Variants in PDGFC observed in about 807,000 individuals in gnomAD.
The protein encoded by PDGFC is platelet-derived growth factor C.
PDGFC carries 12 observed loss-of-function variants against 35.5 expected under a neutral mutation model. That is an observed-to-expected ratio of 0.34 (90% CI 0.22 to 0.55). The LOEUF (loss-of-function observed/expected upper bound fraction) is 0.55. Ranked by LOEUF, PDGFC falls within the 20% of genes least tolerant of loss-of-function variation. The pLI is 0.91. For missense variants in PDGFC, 322 were observed against 412.4 expected, an observed-to-expected ratio of 0.78 and a Z score of 1.90; for synonymous variants, 159 against 148.8, an observed-to-expected ratio of 1.07 and a Z score of -0.50.
At chr4:156,831,050 C>A (rs1288092940) in intron 2 of PDGFC, among the ~76,000 whole-genome samples, 1 of 152,058 alleles carries the variant, frequency 6.6e-6, no homozygotes, top group African/African-American at 2.4e-5. Flanking sequence ...TCTTTGTATC[C>A]CCAATATTTA....
intron 2 of PDGFC, among the ~76,000 whole-genome samples, chr4:156,825,575 T>TAAGAAGAAG (rs1193107464): frequency 5.7e-4 from 54 of 95,556 alleles, no homozygotes; most frequent in South Asian, 3.5e-3. Context: ...ATAATAATAA[T>TAAGAAGAAG]AATAATAATA....
intron 1 of PDGFC, among the ~76,000 whole-genome samples, chr4:156,891,947 A>G (rs1730523244): frequency 6.6e-6 from 1 of 152,210 alleles, no homozygotes; most frequent in South Asian, 2.1e-4. Flanking sequence ...TAGTACTCTT[A>G]TTCAAAATGC....
intron 2 of PDGFC, among the ~76,000 whole-genome samples, chr4:156,846,459 G>A (rs1188269516): frequency 6.6e-6 from 1 of 151,620 alleles, no homozygotes; most frequent in African/African-American, 2.4e-5. Flanking sequence ...CTGTAGAATG[G>A]TCAGGAATTG....
intron 1 of PDGFC, among the ~76,000 whole-genome samples, chr4:156,860,806 T>C (rs1366443029): frequency 6.6e-6 from 1 of 152,112 alleles, no homozygotes; most frequent in Non-Finnish European, 1.5e-5. Flanking sequence ...AAAGCATTTT[T>C]TATAGCAGTT....
At chr4:156,927,913 C>G (rs1411832313) in intron 1 of PDGFC, among the ~76,000 whole-genome samples, 1 of 152,048 alleles carries the variant, frequency 6.6e-6, no homozygotes, top group East Asian at 1.9e-4. Flanking sequence ...ATACTCAAGA[C>G]TGGGAAGAAA....
At chr4:156,779,298 A>G (rs1730916729) in intron 3 of PDGFC, 1 of 429,374 alleles carries the variant, frequency 2.3e-6, no homozygotes, top group Non-Finnish European at 4.7e-6. Context: ...TGAAAAGCAA[A>G]TGCTTGCATT....
At position 156,760,890 on chromosome 4, in the gene PDGFC, A is replaced by C. The variant is rs1730360741; in HGVS notation, c.*2200T>G. ...AGACTTAGTAGTCTTTACTATACTA[A>C]TGAAAGTTGTAAACTGCCAACTACT... On this transcript the variant is annotated 3_prime_UTR_variant, in exon 6 of 6. Transcript: ENST00000502773. 2 of 152,230 alleles carry C rather than the reference A, an allele frequency of 1.3e-5. 1 individual carries two copies. The highest frequency in any genetic ancestry group is 4.8e-5 in the African/African-American group (2 of 41,454). The allele number at this position is 152,230 out of a possible 1,614,324, so 9.4% of individuals were successfully genotyped here.
At position 156,871,322 on chromosome 4, in the gene PDGFC, T is replaced by C. The variant is rs112262201; in HGVS notation, c.119-20906A>G. 1.1e-4 allele frequency among the ~76,000 whole-genome samples: 16 copies of C among 147,016 alleles called. No individual in the cohort carries two copies. The East Asian group carries it at 1.9e-3, about 18-fold the overall frequency. On this transcript the variant is annotated intron_variant, in intron 1 of 5. Coordinates refer to ENST00000502773, the MANE Select transcript of PDGFC (RefSeq NM_016205.3). ...GGGATTAGATTTATTTTTCCCCCCC[T>C]GGCAAAGACTGCAGATCGAGAAAAC...
chr4:156,843,782 C>G (rs1043246189), intron 2 of PDGFC, among the ~76,000 whole-genome samples: 3 of 152,084 alleles, frequency 2.0e-5, no homozygotes, highest in African/African-American at 4.8e-5. Flanking sequence ...AACCACCTAC[C>G]CTCCCCAGTT....
At chr4:156,897,341 TGA>T (rs1286938514) in intron 1 of PDGFC, among the ~76,000 whole-genome samples, 9 of 125,976 alleles carry the variant, frequency 7.1e-5, no homozygotes, top group East Asian at 2.6e-4. Context: ...AGAGAGTGTG[TGA>T]GAGTGTATGT....
chr4:156,931,443 T>C (rs891003314), intron 1 of PDGFC, among the ~76,000 whole-genome samples: 6 of 152,214 alleles, frequency 3.9e-5, no homozygotes, highest in Non-Finnish European at 7.3e-5. Flanking sequence ...TTATTGCATG[T>C]GCTTTGGAAC....
intron 1 of PDGFC, among the ~76,000 whole-genome samples, chr4:156,872,108 A>G (rs1343245137): frequency 1.3e-5 from 2 of 152,208 alleles, no homozygotes; most frequent in African/African-American, 2.4e-5. Flanking sequence ...CTTATTTACC[A>G]TGATGGATTA....
chr4:156,807,727 C>A (rs1731807869), intron 3 of PDGFC, among the ~76,000 whole-genome samples: 1 of 151,686 alleles, frequency 6.6e-6, no homozygotes, highest in Non-Finnish European at 1.5e-5. Flanking sequence ...ATTTATAGTC[C>A]CAAAGAAGGC....
At chr4:156,917,354 T>C in intron 1 of PDGFC, among the ~76,000 whole-genome samples, 1 of 152,182 alleles carries the variant, frequency 6.6e-6, no homozygotes, top group Non-Finnish European at 1.5e-5. Flanking sequence ...CTATGGGAAA[T>C]TTATCCTTTG....
At position 156,850,313 on chromosome 4, in the gene PDGFC, T is replaced by C. The variant is rs1729423058; in HGVS notation, c.222A>G (p.Val74=). The C allele has an allele frequency of 2.5e-6, 4 of 1,609,238 alleles. No homozygotes were observed. The highest frequency in any genetic ancestry group is 3.4e-6 in the Non-Finnish European group (4 of 1,176,080). ...TTTCCTCTACTGCTACTAATCTCCA[T>C]ACCAAGACCGTATTTCTTGGATAAG... ...PHTYPRNTVL[V]WRLVAVEENV... Residue 74 remains valine, a synonymous_variant, in exon 2 of 6, where the codon GTA becomes GTG. Coordinates refer to ENST00000502773, the MANE Select transcript of PDGFC (RefSeq NM_016205.3).
chr4:156,894,335 T>C (rs1730581417), intron 1 of PDGFC, among the ~76,000 whole-genome samples: 1 of 152,180 alleles, frequency 6.6e-6, no homozygotes, highest in Admixed American at 6.5e-5. Context: ...ACTTCCTAAC[T>C]GGGCAATTTT....
chr4:156,946,627 AT>A (rs1731954930), intron 1 of PDGFC, among the ~76,000 whole-genome samples: 1 of 152,028 alleles, frequency 6.6e-6, no homozygotes, highest in Admixed American at 6.6e-5. Context: ...TCTATTTATC[AT>A]CAAGACCACA....
At chr4:156,943,386 G>A (rs529916702) in intron 1 of PDGFC, among the ~76,000 whole-genome samples, 1 of 152,184 alleles carries the variant, frequency 6.6e-6, no homozygotes, top group South Asian at 2.1e-4. Flanking sequence ...GTGGTGCACA[G>A]GCCAGCAGGA....
Position 156,960,256 on chromosome 4 carries a change from A to ATATATATATATATATATG in PDGFC, c.118+10529_118+10530insCATATATATATATATATA, listed in dbSNP as rs1553983783. On this transcript the variant is annotated intron_variant, in intron 1 of 5. Transcript: ENST00000502773. ...CATTTGATATATATATAACTGTTAT[A>ATATATATATATATATATG]TATATATATATATATATAAAACTAT... Among the ~76,000 whole-genome samples the ATATATATATATATATATG allele has an allele frequency of 8.9e-4, 131 of 147,014 alleles. 1 individual carries two copies. The highest frequency in any genetic ancestry group is 2.9e-3 in the African/African-American group (118 of 40,290).
Sources: allele counts gnomAD v4.1 joint callset (sites outside exome capture counted in the v4.1 genomes callset), GRCh38; gene constraint gnomAD v4.1.1; transcripts MANE v1.5; gene names NCBI Gene and HGNC (gene_info 2026-07-23, HGNC 2026-07-21).